CTNNA2: variants seen among roughly 807,000 people sequenced by gnomAD.
The protein encoded by CTNNA2 is catenin alpha 2.
A neutral mutation model predicts 101.0 loss-of-function variants in CTNNA2; 42 were observed. That is an observed-to-expected ratio of 0.42 (90% confidence interval 0.32 to 0.54). The LOEUF (loss-of-function observed/expected upper bound fraction) is 0.54, where lower values mean the gene tolerates loss of function less well. Among genes scored for constraint, CTNNA2 ranks in the 20% least tolerant of loss-of-function variants. CTNNA2 has a pLI of 0.14. For synonymous variants in CTNNA2, 450 were observed against 456.4 expected, an observed-to-expected ratio of 0.99 and a Z score of 0.18; for missense variants, 871 against 1,223.1, an observed-to-expected ratio of 0.71 and a Z score of 4.29.
intron 7 of CTNNA2, among the ~76,000 whole-genome samples, chr2:79,989,249 A>G (rs115653965): frequency 4.9e-4 from 74 of 152,336 alleles, no homozygotes; most frequent in African/African-American, 1.7e-3. Flanking sequence ...TCTATTCCCA[A>G]TGCATGTTTC....
intron 4 of CTNNA2, among the ~76,000 whole-genome samples, chr2:79,461,791 A>T (rs1159252524): frequency 6.6e-6 from 1 of 152,178 alleles, no homozygotes; most frequent in Admixed American, 6.5e-5. Flanking sequence ...ATAAAGTCAA[A>T]TCAGCAATAT....
At chr2:79,297,941 C>T (rs995575612) in intron 2 of CTNNA2, among the ~76,000 whole-genome samples, 1 of 152,148 alleles carries the variant, frequency 6.6e-6, no homozygotes, top group Non-Finnish European at 1.5e-5. Context: ...TCTGTAAAAT[C>T]TGTTTTAAAC....
rs1681280703 is a variant in CTNNA2 at position 79,858,071 on chromosome 2, G to T, written c.357G>T (p.Lys119Asn). The change falls in exon 4 of 19, where the codon AAG (lysine) becomes AAT (asparagine). Residue 119 changes from lysine to asparagine, a missense_variant. Lys to Asn is a moderately conservative substitution (Grantham distance 94). Coordinates refer to ENST00000402739, the MANE Select transcript of CTNNA2 (RefSeq NM_001282597.3). The stretch of plus-strand genomic sequence containing the variant: ...CAGATGACCCTTGCTCGTCGGTAAA[G>T]CGCGGCACCATGGTACGGGCGGCAA... ...EFADDPCSSV[K>N]RGTMVRAARA... The T allele has an allele frequency of 6.2e-7, 1 of 1,614,166 alleles. No individual in the cohort carries two copies. The highest frequency in any genetic ancestry group is 8.5e-7 in the Non-Finnish European group (1 of 1,180,010).
chr2:79,365,055 A>C (rs1573123798), intron 3 of CTNNA2, among the ~76,000 whole-genome samples: 1 of 152,024 alleles, frequency 6.6e-6, no homozygotes, highest in South Asian at 2.1e-4. Context: ...TGGGTGGATC[A>C]CCTGAGGTCA....
At chr2:79,877,027 A>G (rs960387388) in intron 6 of CTNNA2, among the ~76,000 whole-genome samples, 10 of 151,740 alleles carry the variant, frequency 6.6e-5, no homozygotes, top group African/African-American at 2.2e-4. Flanking sequence ...TTAAACTTCT[A>G]TATTAACTAA....
intron 1 of CTNNA2, among the ~76,000 whole-genome samples, chr2:79,598,445 T>C (rs189394816): frequency 8.5e-5 from 13 of 152,368 alleles, no homozygotes; most frequent in African/African-American, 3.1e-4. Flanking sequence ...ATGAGAGTTC[T>C]TGTTGCTCCA....
At chr2:80,478,110 A>T (rs894038971) in intron 9 of CTNNA2, among the ~76,000 whole-genome samples, 1 of 152,058 alleles carries the variant, frequency 6.6e-6, no homozygotes, top group African/African-American at 2.4e-5. Flanking sequence ...GTGGTGTCTC[A>T]CTATAGTTTT....
chr2:79,797,145 C>T (rs1015599333), intron 3 of CTNNA2, among the ~76,000 whole-genome samples: 1 of 152,064 alleles, frequency 6.6e-6, no homozygotes, highest in East Asian at 1.9e-4. Context: ...AGGAAATAGG[C>T]TTTTTGTTGT....
chr2:80,097,141 G>A (rs1428747291), intron 7 of CTNNA2, among the ~76,000 whole-genome samples: 1 of 152,162 alleles, frequency 6.6e-6, no homozygotes, highest in African/African-American at 2.4e-5. Context: ...GAAGTGGCTG[G>A]TACCGGTTGT....
chr2:80,609,778 G>A (rs967703773), intron 17 of CTNNA2, among the ~76,000 whole-genome samples: 2 of 151,656 alleles, frequency 1.3e-5, no homozygotes, highest in African/African-American at 4.8e-5. Context: ...TTACATGGAT[G>A]CGCAAAGCAT....
At chr2:79,711,557 A>G (rs1258399640) in intron 2 of CTNNA2, among the ~76,000 whole-genome samples, 2 of 152,126 alleles carry the variant, frequency 1.3e-5, no homozygotes, top group African/African-American at 2.4e-5. Context: ...AGTCTTTCCT[A>G]TGTCATATTT....
intron 7 of CTNNA2, among the ~76,000 whole-genome samples, chr2:80,098,162 G>A (rs558232328): frequency 6.6e-5 from 10 of 152,216 alleles, no homozygotes; most frequent in South Asian, 6.2e-4. Context: ...CTTTGATGAT[G>A]GTGACGTACA....
At chr2:79,744,611 C>T (rs556012450) in intron 3 of CTNNA2, 29 bp downstream of exon 3, 15 of 1,590,912 alleles carry the variant, frequency 9.4e-6, no homozygotes, top group South Asian at 2.3e-5. Flanking sequence ...TTGTTCAAGG[C>T]GGATCTATAC....
chr2:80,117,573 G>A (rs2148872299), intron 7 of CTNNA2, among the ~76,000 whole-genome samples: 1 of 151,942 alleles, frequency 6.6e-6, no homozygotes, highest in African/African-American at 2.4e-5. Context: ...TTTGATGTGG[G>A]TGGATTTCTG....
intron 2 of CTNNA2, among the ~76,000 whole-genome samples, chr2:79,299,666 G>T (rs960986205): frequency 4.0e-4 from 61 of 152,140 alleles, no homozygotes. Flanking sequence ...GGGTTCTGTG[G>T]ACACAGCAAT....
chr2:80,170,271 T>A (rs1704971036), intron 7 of CTNNA2, among the ~76,000 whole-genome samples: 1 of 151,748 alleles, frequency 6.6e-6, no homozygotes, highest in Non-Finnish European at 1.5e-5. Flanking sequence ...GTGGAGTACA[T>A]CCTTCATATA....
chr2:79,675,847 C>T (rs1683150707), intron 2 of CTNNA2, among the ~76,000 whole-genome samples: 1 of 152,184 alleles, frequency 6.6e-6, no homozygotes, highest in African/African-American at 2.4e-5. Flanking sequence ...GTAAGTTCTT[C>T]TTTCTTAAAT....
chr2:80,392,734 A>T (rs904814235), intron 7 of CTNNA2, among the ~76,000 whole-genome samples: 4 of 152,206 alleles, frequency 2.6e-5, no homozygotes, highest in Admixed American at 6.5e-5. Context: ...TTTGAATTTG[A>T]TATAGAAGTT....
Position 79,909,702 on chromosome 2 carries a change from T to C in CTNNA2, c.961T>C (p.Ser321Pro). The part of the protein sequence containing the change: ...ISGAALMADS[S>P]CTRDDRRERI... ...CGGCGCAGCGCTGATGGCCGACTCC[T>C]CCTGCACGCGAGACGACCGGCGCGA... The change falls in exon 7 of 19, where the codon TCC becomes CCC. Residue 321 changes from serine (S) to proline (P), a missense_variant. Around this residue, in one of 5 missense-constraint regions of CTNNA2, gnomAD observed 647 missense variants for 831.5 expected, o/e 0.78. Coordinates refer to ENST00000402739, the MANE Select transcript of CTNNA2 (RefSeq NM_001282597.3). 2 of 1,613,990 alleles carry C rather than the reference T, an allele frequency of 1.2e-6. No homozygotes were observed. Among genetic ancestry groups the C allele is most frequent in the Non-Finnish European group, 1.7e-6 (2 of 1,179,934 alleles).
Sources: allele counts gnomAD v4.1 joint callset (sites outside exome capture counted in the v4.1 genomes callset), GRCh38; gene constraint gnomAD v4.1.1; regional missense constraint gnomAD v4.1.1; transcripts MANE v1.5; gene names NCBI Gene and HGNC (gene_info 2026-07-23, HGNC 2026-07-21).